The following DZIP3 variants were observed in gnomAD, a reference collection of about 807,000 sequenced individuals.
The protein encoded by DZIP3 is E3 ubiquitin-protein ligase DZIP3.
A neutral mutation model predicts 162.0 loss-of-function variants in DZIP3; 118 were observed. The observed-to-expected ratio is 0.73, with a 90% confidence interval of 0.63 to 0.85. DZIP3 has a LOEUF of 0.85. DZIP3 is among the 40% of genes least tolerant of loss of function. DZIP3 has a pLI of 0.00. For missense variants in DZIP3, 1,331 were observed against 1,407.0 expected (o/e 0.95, Z 0.86); for synonymous variants, 438 against 458.6 (o/e 0.96, Z 0.57).
chr3:108,665,814 C>T (rs928176768), intron 21 of DZIP3, among the ~76,000 whole-genome samples: 2 of 151,858 alleles, frequency 1.3e-5, no homozygotes, highest in African/African-American at 4.8e-5. Flanking sequence ...TATTCAATTA[C>T]CGAAAGAAAA....
intron 1 of DZIP3, among the ~76,000 whole-genome samples, chr3:108,594,404 T>C (rs746970208): frequency 2.9e-4 from 36 of 126,102 alleles, no homozygotes; most frequent in Middle Eastern, 3.9e-3. Flanking sequence ...TCTCTCTCTC[T>C]CCCCCCTCCC....
At chr3:108,623,542 C>G (rs1223899704) in intron 5 of DZIP3, among the ~76,000 whole-genome samples, 1 of 152,220 alleles carries the variant, frequency 6.6e-6, no homozygotes, top group Non-Finnish European at 1.5e-5. Context: ...TTACTCTTCT[C>G]TCTCCTCTGC....
In DZIP3 at chr3:108,603,144, G is replaced by A. The variant is rs542367032; in HGVS notation, c.-72-2191G>A. ...CAGCTACTGGCCAAAGAAGAGCTTA[G>A]CAGAGGGGGAGGACTCCAAGTCTGA... On this transcript the variant is annotated intron_variant, in intron 1 of 32. Transcript: ENST00000361582. 5.9e-5 allele frequency: 9 copies of A among 152,288 alleles called. No homozygotes were observed. The East Asian group carries it at 1.7e-3, about 29-fold the overall frequency. 9.4% of individuals were successfully genotyped at this position (152,288 alleles called of 1,614,324 possible).
At chr3:108,623,959 C>T (rs1941481845) in intron 5 of DZIP3, among the ~76,000 whole-genome samples, 1 of 152,220 alleles carries the variant, frequency 6.6e-6, no homozygotes, top group Non-Finnish European at 1.5e-5. Context: ...CGCAGATTCT[C>T]TCTCCATGTC....
chr3:108,596,692 G>A (rs1939731123), intron 1 of DZIP3, among the ~76,000 whole-genome samples: 1 of 152,210 alleles, frequency 6.6e-6, no homozygotes, highest in African/African-American at 2.4e-5. Context: ...AGGCCTTGAG[G>A]TGTGCAGAAG....
chr3:108,621,803 A>G (rs1298982573), intron 5 of DZIP3, among the ~76,000 whole-genome samples: 3 of 152,192 alleles, frequency 2.0e-5, no homozygotes, highest in African/African-American at 7.2e-5. Flanking sequence ...AAATATTTGC[A>G]TTCTCATGTT....
intron 26 of DZIP3, among the ~76,000 whole-genome samples, chr3:108,681,810 C>T (rs1944321704): frequency 6.8e-6 from 1 of 146,868 alleles, no homozygotes. Context: ...AGTCACCACT[C>T]TCAGCAAACT....
At chr3:108,678,204 T>C (rs1190020599) in intron 26 of DZIP3, among the ~76,000 whole-genome samples, 1 of 151,758 alleles carries the variant, frequency 6.6e-6, no homozygotes, top group African/African-American at 2.4e-5. Flanking sequence ...CAGATGGGAC[T>C]ATCTAGTTGC....
chr3:108,596,930 C>T (rs1311742914), intron 1 of DZIP3, among the ~76,000 whole-genome samples: 3 of 152,120 alleles, frequency 2.0e-5, no homozygotes, highest in Non-Finnish European at 4.4e-5. Flanking sequence ...AGAAATCCTG[C>T]AGTAGAAAAT....
At chr3:108,594,292 A>G (rs960753628) in intron 1 of DZIP3, among the ~76,000 whole-genome samples, 4 of 151,964 alleles carry the variant, frequency 2.6e-5, no homozygotes, top group African/African-American at 9.7e-5. Context: ...TTTCATCCGT[A>G]TACATTCATC....
intron 1 of DZIP3, among the ~76,000 whole-genome samples, chr3:108,601,133 T>A (rs1939990352): frequency 6.6e-6 from 1 of 152,208 alleles, no homozygotes; most frequent in South Asian, 2.1e-4. Flanking sequence ...TTAATTAAGC[T>A]TGTTAATCTT....
At chr3:108,640,950 T>G (rs75857660) in intron 12 of DZIP3, among the ~76,000 whole-genome samples, 1 of 143,146 alleles carries the variant, frequency 7.0e-6, no homozygotes, top group Non-Finnish European at 1.5e-5. Context: ...TTTTAAATTG[T>G]TTTTTTTTTA....
intron 27 of DZIP3, among the ~76,000 whole-genome samples, chr3:108,685,493 A>G (rs1944465700): frequency 6.6e-6 from 1 of 152,176 alleles, no homozygotes; most frequent in African/African-American, 2.4e-5. Flanking sequence ...AAAAGGTGCA[A>G]GTGGTCATAA....
In DZIP3 at chr3:108,688,683, T is replaced by G. The variant is rs778540602; in HGVS notation, c.3361T>G (p.Trp1121Gly). The G allele has an allele frequency of 6.2e-7, 1 of 1,614,104 alleles. No individual in the cohort carries two copies. The highest frequency in any genetic ancestry group is 1.7e-5 in the Admixed American group (1 of 60,018). ...PDAAQPPKPA[W>G]RPLTSQGPAT... ...TGCTGCCCAGCCCCCAAAACCAGCCTGGAGGCCACTCACTTCACAGGGTCC... is the reference window on the plus strand; with the variant it reads ...TGCTGCCCAGCCCCCAAAACCAGCCGGGAGGCCACTCACTTCACAGGGTCC... The change falls in exon 30 of 33, where the codon TGG (tryptophan) becomes GGG (glycine). Residue 1121 changes from tryptophan to glycine, a missense_variant. Transcript: ENST00000361582.
intron 26 of DZIP3, among the ~76,000 whole-genome samples, chr3:108,680,460 A>G (rs78982173): frequency 0.018 from 2,795 of 152,256 alleles, 84 homozygotes; most frequent in African/African-American, 0.063. Context: ...TTCAAAATCA[A>G]CATACAAGAA....
At chr3:108,611,123 TG>T (rs762553472) in intron 3 of DZIP3, 50 bp from the exon 4 acceptor site, 4 of 1,486,856 alleles carry the variant, frequency 2.7e-6, no homozygotes, top group Non-Finnish European at 3.6e-6. Flanking sequence ...GAATTAAGAG[TG>T]AATGAGAATA....
chr3:108,647,133 G>C (rs1409518643), intron 15 of DZIP3, among the ~76,000 whole-genome samples: 1 of 152,208 alleles, frequency 6.6e-6, no homozygotes, highest in Non-Finnish European at 1.5e-5. Context: ...CTTAGTGCAT[G>C]TGCTTCAGGG....
intron 12 of DZIP3, among the ~76,000 whole-genome samples, chr3:108,638,435 C>T (rs928084441): frequency 4.6e-5 from 7 of 152,180 alleles, no homozygotes; most frequent in Non-Finnish European, 7.3e-5. Context: ...CCTGCCTCAA[C>T]CTCCCGAGTA....
chr3:108,638,166 A>G (rs1416564812), intron 12 of DZIP3, among the ~76,000 whole-genome samples: 3 of 152,164 alleles, frequency 2.0e-5, no homozygotes, highest in African/African-American at 4.8e-5. Context: ...CTCTCCTAAA[A>G]GCTTGACCTT....
Sources: allele counts gnomAD v4.1 joint callset (sites outside exome capture counted in the v4.1 genomes callset), GRCh38; gene constraint gnomAD v4.1.1; transcripts MANE v1.5; gene names NCBI Gene and HGNC (gene_info 2026-07-23, HGNC 2026-07-21).